LRIF1: variants seen among roughly 807,000 people sequenced by gnomAD.
LRIF1 encodes ligand dependent nuclear receptor interacting factor 1.
A neutral mutation model predicts 52.7 loss-of-function variants in LRIF1; 32 were observed. The ratio of observed to expected loss-of-function variants is 0.61; its 90% CI spans 0.46 to 0.82. LRIF1 has a LOEUF of 0.82. Among genes scored for constraint, LRIF1 ranks in the 40% least tolerant of loss-of-function variants. LRIF1 has a pLI of 0.00. For synonymous variants in LRIF1, 323 were observed against 317.4 expected (o/e 1.02, Z -0.19); for missense variants, 887 against 892.0 (o/e 0.99, Z 0.07).
chr1:110,897,916 T>C, the LRIF1 span: 24 of 1,372,346 alleles, frequency 1.7e-5, no homozygotes, highest in South Asian at 5.9e-5. Context: ...CACAGGGTTA[T>C]TGTGAGGATT....
the LRIF1 span, chr1:110,891,434 T>C: frequency 6.2e-7 from 1 of 1,614,030 alleles, no homozygotes; most frequent in Non-Finnish European, 8.5e-7. Flanking sequence ...TTGAAACTGC[T>C]GAAGTATGTC....
the LRIF1 span, among the ~76,000 whole-genome samples, chr1:110,934,186 G>A: frequency 6.6e-6 from 1 of 152,194 alleles, no homozygotes; most frequent in Non-Finnish European, 1.5e-5. Flanking sequence ...ATTACTAGCA[G>A]TGATACCCAG....
the LRIF1 span, among the ~76,000 whole-genome samples, chr1:110,886,863 A>AT: frequency 1.4e-5 from 1 of 72,256 alleles, no homozygotes; most frequent in African/African-American, 4.8e-5. Flanking sequence ...ATATATATAT[A>AT]TATATATTTT....
the LRIF1 span, among the ~76,000 whole-genome samples, chr1:110,890,152 T>A: frequency 6.6e-6 from 1 of 152,172 alleles, no homozygotes; most frequent in African/African-American, 2.4e-5. Flanking sequence ...ACCCATGCAC[T>A]GGAAAAGGCA....
chr1:110,928,538 G>A, the LRIF1 span, among the ~76,000 whole-genome samples: 2 of 152,092 alleles, frequency 1.3e-5, no homozygotes, highest in African/African-American at 4.8e-5. Context: ...ACTCTAGTGT[G>A]TATCAACAAA....
At chr1:110,881,233 C>T in the LRIF1 span, among the ~76,000 whole-genome samples, 31,483 of 151,958 alleles carry the variant, frequency 0.21, 3,643 homozygotes, top group East Asian at 0.32. Context: ...CCCTTCCCTG[C>T]TCCCTCTCTA....
chr1:110,911,187 A>G, the LRIF1 span, among the ~76,000 whole-genome samples: 9 of 133,674 alleles, frequency 6.7e-5, no homozygotes, highest in East Asian at 2.6e-4. Context: ...CCCCCCAGGG[A>G]AAAAAAAAAC....
At chr1:110,905,286 T>C in the LRIF1 span, among the ~76,000 whole-genome samples, 2 of 152,074 alleles carry the variant, frequency 1.3e-5, no homozygotes, top group African/African-American at 4.8e-5. Flanking sequence ...TATAAGAAGG[T>C]TATAGAGCAC....
chr1:110,930,512 T>C, the LRIF1 span, among the ~76,000 whole-genome samples: 3 of 152,068 alleles, frequency 2.0e-5, no homozygotes, highest in Non-Finnish European at 4.4e-5. Context: ...CATGGAGCGG[T>C]GGGGAATTAG....
At chr1:110,943,314 A>G (rs1472667505), downstream of LRIF1, among the ~76,000 whole-genome samples, 2 of 152,190 alleles carry the variant, frequency 1.3e-5, no homozygotes, top group African/African-American at 4.8e-5. Flanking sequence ...CATTGGACAA[A>G]TTATGAAGAA....
At chr1:110,932,746 A>C in the LRIF1 span, among the ~76,000 whole-genome samples, 4 of 152,128 alleles carry the variant, frequency 2.6e-5, no homozygotes, top group African/African-American at 9.7e-5. Flanking sequence ...TGGAAATCCT[A>C]TTTCTCCTCG....
Position 110,952,742 on chromosome 1 carries a change from T to C in LRIF1, c.142A>G (p.Ile48Val), listed in dbSNP as rs1044130437. The change falls in exon 2 of 4, where the codon ATT becomes GTT. Residue 48 changes from isoleucine (I) to valine (V), a missense_variant. By Grantham distance (29) the Ile-to-Val change is conservative. Transcript: ENST00000369763. ...DGKNLLQLLP[I>V]PKSSGNLIPL... ...ATAAGATTTCCAGAAGACTTAGGAA[T>C]TGGAAGTAATTGCAGAAGATTTTTT... is the stretch of plus-strand genomic sequence containing the variant. 1 of 1,613,678 alleles carries C rather than the reference T, an allele frequency of 6.2e-7. No individual in the cohort carries two copies.
the LRIF1 span, among the ~76,000 whole-genome samples, chr1:110,933,151 C>T: frequency 3.1e-4 from 47 of 152,260 alleles, no homozygotes; most frequent in Non-Finnish European, 6.2e-4. Context: ...CTTCTGACAT[C>T]ACAAGATGCT....
intron 1 of LRIF1, among the ~76,000 whole-genome samples, chr1:110,954,373 T>C (rs924451327): frequency 6.6e-6 from 1 of 152,148 alleles, no homozygotes; most frequent in African/African-American, 2.4e-5. Context: ...CTCCACCTCC[T>C]GGGCTCAAGC....
chr1:110,892,331 A>C, the LRIF1 span: 1 of 1,609,794 alleles, frequency 6.2e-7, no homozygotes, highest in East Asian at 2.2e-5. Flanking sequence ...ATGTTGTGGG[A>C]TTCTTCCTTT....
chr1:110,896,720 A>G, the LRIF1 span: 3 of 1,613,026 alleles, frequency 1.9e-6, no homozygotes, highest in Non-Finnish European at 1.7e-6. Context: ...TGCCCCTCAG[A>G]TCGAAAAGTG....
At chr1:110,925,596 A>C in the LRIF1 span, among the ~76,000 whole-genome samples, 1 of 152,194 alleles carries the variant, frequency 6.6e-6, no homozygotes, top group Non-Finnish European at 1.5e-5. Context: ...AGGAAATAAT[A>C]ATTTAGTATC....
At chr1:110,934,486 G>A in the LRIF1 span, among the ~76,000 whole-genome samples, 2,973 of 152,268 alleles carry the variant, frequency 0.02, 38 homozygotes, top group South Asian at 0.037. Context: ...TGATTCTCAG[G>A]CTGGGCAAGA....
At position 110,952,565 on chromosome 1, in the gene LRIF1, AAT is replaced by A; in HGVS notation, c.317_318del (p.Tyr106PhefsTer13). 6.2e-7 allele frequency: 1 copy of A among 1,613,988 alleles called. No homozygotes were observed. Among genetic ancestry groups the A allele is most frequent in the East Asian group, 2.2e-5 (1 of 44,870 alleles). On this transcript the variant is annotated frameshift_variant, in exon 2 of 4. Coordinates refer to ENST00000369763, the MANE Select transcript of LRIF1 (RefSeq NM_018372.4). LOFTEE classifies it high-confidence loss of function. ...PIFQPASSSN[Y>X]FLTRTVDTSE... ...GATGTATCTACTGTTCTTGTAAGAA[AAT>A]AGTTTGAAGAACTGGCTGGCTGAAA...
Sources: allele counts gnomAD v4.1 joint callset (sites outside exome capture counted in the v4.1 genomes callset), GRCh38; gene constraint gnomAD v4.1.1; transcripts MANE v1.5; gene names NCBI Gene and HGNC (gene_info 2026-07-23, HGNC 2026-07-21).